Variants in TTC6 observed in about 807,000 individuals in gnomAD.
The protein encoded by TTC6 is tetratricopeptide repeat domain 6.
Under a neutral mutation model 210.4 loss-of-function variants are expected in TTC6, and 172 were observed. The observed-to-expected ratio is 0.82, with a 90% CI of 0.72 to 0.93. The LOEUF is 0.93. Ranked by LOEUF, TTC6 falls within the 40% of genes least tolerant of loss-of-function variation. The pLI, the probability that TTC6 is intolerant of heterozygous loss-of-function variation, is 0.00. For synonymous variants in TTC6, 804 were observed against 819.6 expected (o/e 0.98, Z 0.32); for missense variants, 2,414 against 2,318.1 (o/e 1.04, Z -0.85).
intron 10 of TTC6, among the ~76,000 whole-genome samples, chr14:37,741,273 CTTTTTTTTTTTTTTTTTTTTTTTTT>C (rs10600031): frequency 1.2e-5 from 1 of 82,278 alleles, no homozygotes; most frequent in African/African-American, 5.6e-5. Context: ...TTTTTTCCCA[CTTTTTTTTTTTTTTTTTTTTTTTTT>C]TTTTTTTTTT....
At chr14:37,839,324 T>A (rs1048701760) in intron 29 of TTC6, among the ~76,000 whole-genome samples, 1 of 152,230 alleles carries the variant, frequency 6.6e-6, no homozygotes, top group African/African-American at 2.4e-5. Flanking sequence ...TCTGACTTTT[T>A]AATGATCATC....
At chr14:37,708,361 G>A (rs538194547) in intron 5 of TTC6, among the ~76,000 whole-genome samples, 45 of 152,048 alleles carry the variant, frequency 3.0e-4, no homozygotes, top group Admixed American at 5.9e-4. Context: ...AAAATGCATT[G>A]AAGTACACTA....
At chr14:37,626,100 G>A (rs2095659832) in intron 1 of TTC6, among the ~76,000 whole-genome samples, 1 of 152,164 alleles carries the variant, frequency 6.6e-6, no homozygotes, top group Non-Finnish European at 1.5e-5. Context: ...GAGCCCTTGA[G>A]GCGGGGGCAA....
intron 3 of TTC6, among the ~76,000 whole-genome samples, chr14:37,684,447 T>G (rs2095790167): frequency 1.3e-5 from 2 of 152,210 alleles, no homozygotes; most frequent in Non-Finnish European, 2.9e-5. Context: ...AGTCATGCTC[T>G]TTACAAAGCA....
At chr14:37,768,329 T>A (rs1265712638) in intron 14 of TTC6, among the ~76,000 whole-genome samples, 1 of 151,642 alleles carries the variant, frequency 6.6e-6, no homozygotes, top group Non-Finnish European at 1.5e-5. Context: ...TTTTTCCAAT[T>A]CTGTGAAGAA....
chr14:37,715,180 T>A (rs900618817), intron 6 of TTC6, among the ~76,000 whole-genome samples: 1 of 151,820 alleles, frequency 6.6e-6, no homozygotes, highest in African/African-American at 2.4e-5. Context: ...AAAAAAAAAA[T>A]TATTGAAGAC....
chr14:37,800,895 G>A (rs2096104951), intron 20 of TTC6, among the ~76,000 whole-genome samples: 1 of 152,074 alleles, frequency 6.6e-6, no homozygotes, highest in African/African-American at 2.4e-5. Context: ...GCAGGAAGTA[G>A]GTTAATAAAA....
chr14:37,769,118 A>G (rs911907839), intron 14 of TTC6, among the ~76,000 whole-genome samples: 46 of 151,086 alleles, frequency 3.0e-4, no homozygotes, highest in Non-Finnish European at 6.1e-4. Flanking sequence ...TGATTTGCGT[A>G]TATTGAACCA....
chr14:37,653,986 A>C (rs937487558), intron 1 of TTC6, among the ~76,000 whole-genome samples: 2 of 152,172 alleles, frequency 1.3e-5, no homozygotes, highest in African/African-American at 2.4e-5. Context: ...CCTTTTATAT[A>C]TTTGTCCCCA....
At chr14:37,842,263 A>G (rs745461640) in exon 31 of TTC6, 4 of 1,606,194 alleles carry the variant, frequency 2.5e-6, no homozygotes, top group Non-Finnish European at 3.4e-6. Context: ...CAAGCACTTG[A>G]TCTTGAAGAC....
intron 9 of TTC6, 70 bp from the exon 12 acceptor site, chr14:37,738,702 GAATT>G (rs1249953192): frequency 1.9e-5 from 23 of 1,192,006 alleles, no homozygotes; most frequent in Non-Finnish European, 3.3e-6. Flanking sequence ...AATTGTAACA[GAATT>G]AATTAATTTT....
rs34249416 is a variant in TTC6 at position 37,598,110 on chromosome 14, T to A, written c.-235+2102T>A. Among the ~76,000 whole-genome samples, 6,498 of 152,290 alleles carry A rather than the reference T, an allele frequency of 0.043. 235 individuals carry two copies. The highest frequency in any genetic ancestry group is 0.17 in the East Asian group (855 of 5,154). On this transcript the variant is annotated intron_variant, in intron 1 of 2. Transcript: ENST00000556845. The surrounding 1 kb of genome is among the most constrained non-coding windows in gnomAD (Gnocchi z 4.9). ...CCAGTCGGTAGCCAGGTCCAGCGGC[T>A]GCAGCCTGCTCTTTTCCAACCTCTT...
chr14:37,834,543 A>G (rs2096193382), intron 29 of TTC6, among the ~76,000 whole-genome samples: 1 of 151,910 alleles, frequency 6.6e-6, no homozygotes, highest in Non-Finnish European at 1.5e-5. Flanking sequence ...ATTTCTTATG[A>G]TATCTATCTT....
At chr14:37,808,586 A>C (rs1399991706) in intron 23 of TTC6, 147 bp from the exon 26 acceptor site, 4 of 446,416 alleles carry the variant, frequency 9.0e-6, no homozygotes, top group African/African-American at 8.2e-5. Flanking sequence ...GTGAAAGATT[A>C]GCTTCAATGT....
chr14:37,659,572 G>C (rs2095732635), intron 1 of TTC6, among the ~76,000 whole-genome samples: 1 of 151,838 alleles, frequency 6.6e-6, no homozygotes, highest in African/African-American at 2.4e-5. Flanking sequence ...TTGTTGCCCA[G>C]GCTGGAGTGC....
chr14:37,600,758 G>A (rs983948948), intron 1 of TTC6, among the ~76,000 whole-genome samples: 6 of 152,190 alleles, frequency 3.9e-5, no homozygotes, highest in Non-Finnish European at 7.3e-5. Flanking sequence ...CATGCCTAGA[G>A]GGAGATTATC....
intron 10 of TTC6, among the ~76,000 whole-genome samples, chr14:37,741,273 CTTTTTTTTTTTTTTTTTTTTT>C (rs10600031): frequency 1.1e-3 from 87 of 82,294 alleles, no homozygotes; most frequent in African/African-American, 4.5e-3. Context: ...TTTTTTCCCA[CTTTTTTTTTTTTTTTTTTTTT>C]TTTTTTTTTT....
intron 17 of TTC6, 135 bp downstream of exon 19, chr14:37,792,549 C>A: frequency 1.5e-6 from 1 of 658,812 alleles, no homozygotes; most frequent in Non-Finnish European, 2.2e-6. Flanking sequence ...ATGTGTTAAG[C>A]TGGTAGTTAA....
intron 20 of TTC6, 86 bp downstream of exon 22, chr14:37,797,033 C>T: frequency 1.7e-6 from 2 of 1,195,848 alleles, no homozygotes; most frequent in South Asian, 5.2e-5. Flanking sequence ...ATATTTTTCA[C>T]AAAATTAAGT....
Sources: allele counts gnomAD v4.1 joint callset (sites outside exome capture counted in the v4.1 genomes callset), GRCh38; gene constraint gnomAD v4.1.1; non-coding constraint Gnocchi (gnomAD v3.1); transcripts MANE v1.5; gene names NCBI Gene and HGNC (gene_info 2026-07-23, HGNC 2026-07-21).